The following C4orf36 variants were observed in gnomAD, a reference collection of about 807,000 sequenced individuals.
C4orf36 encodes the protein uncharacterized protein C4orf36.
C4orf36 carries 11 observed loss-of-function variants against 12.2 expected under a neutral mutation model. The observed-to-expected ratio is 0.90, with a 90% CI of 0.57 to 1.49. The LOEUF (loss-of-function observed/expected upper bound fraction) is 1.49. Among genes scored for constraint, C4orf36 ranks in the 40% most tolerant of loss-of-function variants. C4orf36 has a pLI of 0.00. For synonymous variants in C4orf36, 54 were observed against 51.3 expected, an observed-to-expected ratio of 1.05 and a Z score of -0.22; for missense variants, 137 against 133.9, an observed-to-expected ratio of 1.02 and a Z score of -0.11.
intron 4 of C4orf36, chr4:86,876,658 A>C (rs1028467043): frequency 5.6e-6 from 9 of 1,612,986 alleles, no homozygotes; most frequent in Admixed American, 1.7e-5. Flanking sequence ...TGGTATTTAC[A>C]TACACAGTGT....
the C4orf36 span, chr4:86,913,775 C>T: frequency 1.5e-6 from 2 of 1,371,426 alleles, no homozygotes; most frequent in South Asian, 1.2e-5. Context: ...ACATCAGCTG[C>T]CCAAAGGGCA....
chr4:86,902,730 G>A, the C4orf36 span, among the ~76,000 whole-genome samples: 7 of 152,134 alleles, frequency 4.6e-5, no homozygotes, highest in African/African-American at 1.7e-4. Flanking sequence ...TGCTGCTTCT[G>A]ACACCTGTGC....
chr4:86,876,453 G>A lies in C4orf36; in HGVS notation c.*3-10C>T. On this transcript the variant is annotated splice_polypyrimidine_tract_variant and intron_variant, in intron 4 of 4. Transcript: ENST00000295898. ...CAATCCGCGCTTCAGGCTGCGCAAA[G>A]GAGAGGGGGAAAATAAGATTTTATT... The A allele has an allele frequency of 1.2e-6, 2 of 1,613,516 alleles. No individual in the cohort carries two copies. The highest frequency in any genetic ancestry group is 1.7e-6 in the Non-Finnish European group (2 of 1,179,576).
At chr4:86,924,753 T>C in the C4orf36 span, 1 of 152,262 alleles carries the variant, frequency 6.6e-6, no homozygotes, top group Non-Finnish European at 1.5e-5. Context: ...AGCTTTACTA[T>C]GCTTTTATAT....
chr4:86,908,449 T>A, the C4orf36 span, among the ~76,000 whole-genome samples: 1 of 93,588 alleles, frequency 1.1e-5, no homozygotes, highest in Non-Finnish European at 2.4e-5. Context: ...ATTTCAACAG[T>A]GTCTTTTTTT....
At chr4:86,893,911 TATTG>T (rs1371687958), upstream of C4orf36, among the ~76,000 whole-genome samples, 9 of 129,054 alleles carry the variant, frequency 7.0e-5, no homozygotes, top group African/African-American at 2.6e-4. Flanking sequence ...TTTATTTATT[TATTG>T]AGATGGAGTC....
the C4orf36 span, among the ~76,000 whole-genome samples, chr4:86,901,839 C>A: frequency 1.3e-5 from 2 of 151,884 alleles, no homozygotes; most frequent in African/African-American, 4.8e-5. Context: ...TGAATTGTGT[C>A]CCCTAAAAAG....
chr4:86,921,364 G>A, the C4orf36 span, among the ~76,000 whole-genome samples: 2 of 152,078 alleles, frequency 1.3e-5, no homozygotes, highest in Admixed American at 1.3e-4. Context: ...TCTGGCTGAG[G>A]GCAAAGGGAA....
At chr4:86,921,151 G>A in the C4orf36 span, among the ~76,000 whole-genome samples, 2 of 148,784 alleles carry the variant, frequency 1.3e-5, no homozygotes, top group African/African-American at 2.5e-5. Flanking sequence ...GGCAACAAGA[G>A]TGAAACTCCT....
the C4orf36 span, among the ~76,000 whole-genome samples, chr4:86,900,075 G>A: frequency 7.9e-5 from 12 of 151,008 alleles, no homozygotes; most frequent in Admixed American, 2.7e-4. Flanking sequence ...TCACTCTGCC[G>A]CCCAGGCTGG....
chr4:86,894,348 T>C (rs1001237078), upstream of C4orf36, among the ~76,000 whole-genome samples: 8 of 152,232 alleles, frequency 5.3e-5, no homozygotes, highest in South Asian at 2.1e-4. Context: ...CGTGTGTGTG[T>C]GCTCAGGCTC....
At chr4:86,913,312 G>C in the C4orf36 span, 1 of 765,662 alleles carries the variant, frequency 1.3e-6, no homozygotes, top group Non-Finnish European at 2.3e-6. Flanking sequence ...AATTGTCATG[G>C]CTCCACCGAT....
upstream of C4orf36, among the ~76,000 whole-genome samples, chr4:86,894,836 C>T (rs973398969): frequency 6.6e-6 from 1 of 152,148 alleles, no homozygotes; most frequent in Non-Finnish European, 1.5e-5. Context: ...GAATTGAGGG[C>T]TTTTGCCACC....
At chr4:86,876,467 T>A in intron 4 of C4orf36, 24 bp from the exon 5 acceptor site, 1 of 1,613,436 alleles carries the variant, frequency 6.2e-7, no homozygotes. Flanking sequence ...AGGGGGAAAA[T>A]AAGATTTTAT....
chr4:86,894,358 C>T (rs1781846801), upstream of C4orf36, among the ~76,000 whole-genome samples: 1 of 152,064 alleles, frequency 6.6e-6, no homozygotes, highest in Admixed American at 6.6e-5. Flanking sequence ...TGCTCAGGCT[C>T]AATGTACAGC....
chr4:86,918,901 T>C, the C4orf36 span, among the ~76,000 whole-genome samples: 1 of 152,004 alleles, frequency 6.6e-6, no homozygotes, highest in Non-Finnish European at 1.5e-5. Flanking sequence ...AGAAATCCCA[T>C]GACAGGCCAT....
At chr4:86,910,062 G>C in the C4orf36 span, among the ~76,000 whole-genome samples, 1 of 152,128 alleles carries the variant, frequency 6.6e-6, no homozygotes, top group African/African-American at 2.4e-5. Flanking sequence ...TAAAGAAGTA[G>C]AAGGAGCACC....
At chr4:86,934,537 T>G in the C4orf36 span, 1 of 152,180 alleles carries the variant, frequency 6.6e-6, no homozygotes, top group Non-Finnish European at 1.5e-5. Flanking sequence ...ATATATCTGT[T>G]TTATAAGATT....
chr4:86,905,959 T>TGG, the C4orf36 span, among the ~76,000 whole-genome samples: 2 of 152,058 alleles, frequency 1.3e-5, no homozygotes, highest in African/African-American at 4.8e-5. Flanking sequence ...GACCTCAAGT[T>TGG]ATCCACCTAC....
Sources: gnomAD v4.1 joint callset for allele counts (sites outside exome capture counted in the v4.1 genomes callset) on GRCh38, gnomAD v4.1.1 for gene constraint, MANE v1.5 for transcripts, NCBI Gene and HGNC (gene_info 2026-07-23, HGNC 2026-07-21) for gene names.